UNC93A: variants seen among roughly 807,000 people sequenced by gnomAD.
The protein encoded by UNC93A is N-acetylglucosamine transporter UNC93A.
Under a neutral mutation model 47.5 loss-of-function variants are expected in UNC93A, and 43 were observed. The ratio of observed to expected loss-of-function variants is 0.91; its 90% CI spans 0.71 to 1.17. The LOEUF (loss-of-function observed/expected upper bound fraction) is 1.17. Ranked by LOEUF, UNC93A falls within the 50% of genes most tolerant of loss-of-function variation. The pLI, the probability that UNC93A is intolerant of heterozygous loss-of-function variation, is 0.00. For missense variants in UNC93A, 605 were observed against 577.6 expected, an observed-to-expected ratio of 1.05 and a Z score of -0.49; for synonymous variants, 280 against 258.0, an observed-to-expected ratio of 1.09 and a Z score of -0.82.
chr6:167,302,990 C>T (rs1297419289), intron 4 of UNC93A, among the ~76,000 whole-genome samples: 1 of 152,188 alleles, frequency 6.6e-6, no homozygotes, highest in Non-Finnish European at 1.5e-5. Flanking sequence ...CATAGATGCT[C>T]CCCGGGCCAT....
chr6:167,277,263 CCTA>C (rs1167971392), intron 1 of UNC93A, among the ~76,000 whole-genome samples: 23 of 152,220 alleles, frequency 1.5e-4, no homozygotes, highest in African/African-American at 5.5e-4. Flanking sequence ...CTGCTGTGTG[CCTA>C]CAAAGCTGGG....
At chr6:167,291,601 AC>A (rs751207448) in intron 1 of UNC93A, 25 bp downstream of exon 1, 2 of 1,587,908 alleles carry the variant, frequency 1.3e-6, no homozygotes, top group South Asian at 2.3e-5. Flanking sequence ...TCATCAAATT[AC>A]CTGAACTTCT....
chr6:167,298,057 G>C lies in UNC93A; in HGVS notation c.612G>C (p.Leu204=), dbSNP rs1555034. 1.1e-4 allele frequency: 179 copies of C among 1,613,020 alleles called. No individual in the cohort carries two copies. In the African/African-American group the frequency reaches 1.7e-3, roughly 16 times the overall value. ...RPSQQLVYTL[L]GIYTGSGVLA... ...CCCAGCAGCTGGTCTACACCCTCCT[G>C]GGCATCTACACTGGTACGAGCTCCA... The change falls in exon 4 of 8, where the codon CTG becomes CTC. Residue 204 remains leucine (L), a synonymous_variant. Transcript: ENST00000230256.
At chr6:167,275,123 G>A (rs150513374) in intron 1 of UNC93A, among the ~76,000 whole-genome samples, 1 of 152,258 alleles carries the variant, frequency 6.6e-6, no homozygotes, top group Non-Finnish European at 1.5e-5. Flanking sequence ...AGGTGTCTGG[G>A]CAGTTGCATG....
At chr6:167,286,472 C>T (rs913963419), upstream of UNC93A, among the ~76,000 whole-genome samples, 1 of 152,228 alleles carries the variant, frequency 6.6e-6, no homozygotes. Context: ...AAGCCACGCG[C>T]TGCAATAGCG....
In UNC93A at chr6:167,282,089, C is replaced by T. The variant is rs773147555; in HGVS notation, c.-51-9350C>T. ...TAATTTTTATTGTACCAGGGAGAGC[C>T]GCTATGCTAGAATCAGTCTTTGCAG... On this transcript the variant is annotated intron_variant, in intron 1 of 3. Coordinates refer to the UNC93A transcript ENST00000503433. Among the ~76,000 whole-genome samples, 161 of 152,286 alleles carry T rather than the reference C, an allele frequency of 1.1e-3. 1 individual carries two copies. The highest frequency in any genetic ancestry group is 1.6e-3 in the Non-Finnish European group (110 of 68,030).
At chr6:167,273,138 A>G (rs942735149) in intron 1 of UNC93A, among the ~76,000 whole-genome samples, 1 of 152,158 alleles carries the variant, frequency 6.6e-6, no homozygotes, top group Non-Finnish European at 1.5e-5. Context: ...GACATCAATC[A>G]CTTACTCTCT....
At chr6:167,281,611 C>A (rs766213738) in intron 1 of UNC93A, among the ~76,000 whole-genome samples, 1 of 152,122 alleles carries the variant, frequency 6.6e-6, no homozygotes, top group African/African-American at 2.4e-5. Context: ...CTTTTTACAA[C>A]GTAGCCTGTG....
chr6:167,290,336 A>T (rs562892080), upstream of UNC93A, among the ~76,000 whole-genome samples: 2 of 152,290 alleles, frequency 1.3e-5, no homozygotes, highest in South Asian at 4.1e-4. Flanking sequence ...CCCATTTATC[A>T]TTGGCCCTGA....
chr6:167,293,228 G>A (rs772610255), intron 1 of UNC93A, among the ~76,000 whole-genome samples: 29 of 152,208 alleles, frequency 1.9e-4, no homozygotes, highest in South Asian at 1.7e-3. Context: ...CCCACGCCCC[G>A]CCAGCACTTC....
At chr6:167,302,608 C>T (rs997521867) in intron 4 of UNC93A, among the ~76,000 whole-genome samples, 10 of 152,020 alleles carry the variant, frequency 6.6e-5, no homozygotes, top group Non-Finnish European at 1.2e-4. Context: ...AGTTCTCCAT[C>T]GACAGAAATT....
intron 1 of UNC93A, among the ~76,000 whole-genome samples, chr6:167,272,778 C>A (rs188395971): frequency 1.3e-5 from 2 of 152,304 alleles, no homozygotes; most frequent in Non-Finnish European, 2.9e-5. Context: ...GTTAAGATAA[C>A]AGGTTGTGGA....
At chr6:167,301,914 ACCACATGGTGG>A (rs1778250715) in intron 4 of UNC93A, among the ~76,000 whole-genome samples, 1 of 152,190 alleles carries the variant, frequency 6.6e-6, no homozygotes, top group Non-Finnish European at 1.5e-5. Flanking sequence ...AACCTGCCAG[ACCACATGGTGG>A]CCAGGACAAC....
intron 7 of UNC93A, among the ~76,000 whole-genome samples, chr6:167,312,163 G>A (rs960863272): frequency 4.6e-5 from 7 of 152,022 alleles, no homozygotes; most frequent in Admixed American, 3.3e-4. Context: ...GTTTTCTCAT[G>A]ATTAGGCTGG....
chr6:167,284,600 A>G (rs1762339268), intron 1 of UNC93A, among the ~76,000 whole-genome samples: 1 of 152,300 alleles, frequency 6.6e-6, no homozygotes, highest in Non-Finnish European at 1.5e-5. Flanking sequence ...GATACTGATC[A>G]TGGCTTTCGG....
upstream of UNC93A, among the ~76,000 whole-genome samples, chr6:167,269,175 C>T (rs1017248068): frequency 7.9e-5 from 12 of 152,282 alleles, no homozygotes; most frequent in South Asian, 2.1e-4. Flanking sequence ...TGGAGACCGG[C>T]GGAACAGGCA....
intron 1 of UNC93A, among the ~76,000 whole-genome samples, chr6:167,274,496 A>C (rs1012549208): frequency 2.6e-5 from 4 of 151,988 alleles, no homozygotes; most frequent in African/African-American, 9.7e-5. Context: ...TCCTGCCCAA[A>C]TTTCTGCTTC....
chr6:167,305,787 GA>G (rs2115164514), intron 5 of UNC93A, 127 bp from the exon 6 acceptor site: 1 of 1,290,046 alleles, frequency 7.8e-7, no homozygotes, highest in African/African-American at 1.5e-5. Context: ...GAGCCTAGAG[GA>G]AGGTGTAGGC....
upstream of UNC93A, among the ~76,000 whole-genome samples, chr6:167,270,563 A>G (rs398345): frequency 0.5 from 76,010 of 151,794 alleles, 19,029 homozygotes; most frequent in South Asian, 0.54. Flanking sequence ...GTTGAGTTGC[A>G]TCCCCCGGAA....
Sources: gnomAD v4.1 joint callset for allele counts (sites outside exome capture counted in the v4.1 genomes callset) on GRCh38, gnomAD v4.1.1 for gene constraint, MANE v1.5 for transcripts, NCBI Gene and HGNC (gene_info 2026-07-23, HGNC 2026-07-21) for gene names.